The following WDFY2 variants were observed in gnomAD, a reference collection of about 807,000 sequenced individuals.
WDFY2 encodes the protein WD repeat and FYVE domain containing 2.
WDFY2 carries 36 observed loss-of-function variants against 56.4 expected under a neutral mutation model. The ratio of observed to expected loss-of-function variants is 0.64; its 90% confidence interval spans 0.49 to 0.84. WDFY2 has a LOEUF of 0.84. Ranked by LOEUF, WDFY2 falls within the 40% of genes least tolerant of loss-of-function variation. WDFY2 has a pLI of 0.00. For synonymous variants in WDFY2, 176 were observed against 183.7 expected (o/e 0.96, Z 0.34); for missense variants, 444 against 512.2 (o/e 0.87, Z 1.29).
At chr13:51,674,511 C>T (rs1220456431) in intron 2 of WDFY2, among the ~76,000 whole-genome samples, 1 of 152,110 alleles carries the variant, frequency 6.6e-6, no homozygotes, top group Non-Finnish European at 1.5e-5. Context: ...CAGTCCAGGC[C>T]TGGGTGTACT....
At chr13:51,588,143 CTT>C (rs1953979777) in intron 1 of WDFY2, 1 of 152,236 alleles carries the variant, frequency 6.6e-6, no homozygotes, top group Non-Finnish European at 1.5e-5. Flanking sequence ...GCATACCAAA[CTT>C]TGATATTTTG....
intron 7 of WDFY2, among the ~76,000 whole-genome samples, chr13:51,745,668 TCA>T (rs1358334242): frequency 1.3e-5 from 2 of 150,312 alleles, no homozygotes; most frequent in Non-Finnish European, 2.9e-5. Flanking sequence ...CAAATCTTTC[TCA>T]GTTTATCTGA....
intron 6 of WDFY2, among the ~76,000 whole-genome samples, chr13:51,734,480 T>C (rs978135636): frequency 6.6e-6 from 1 of 152,134 alleles, no homozygotes; most frequent in Non-Finnish European, 1.5e-5. Context: ...TTTATGAGAG[T>C]ATATAGTAGT....
intron 4 of WDFY2, among the ~76,000 whole-genome samples, chr13:51,705,114 G>C (rs1253286649): frequency 1.3e-5 from 2 of 152,322 alleles, no homozygotes; most frequent in African/African-American, 4.8e-5. Context: ...AGAAGCCCAC[G>C]TGCTGAGGAA....
At chr13:51,687,045 TTA>T (rs749503242) in intron 3 of WDFY2, among the ~76,000 whole-genome samples, 77 of 148,968 alleles carry the variant, frequency 5.2e-4, no homozygotes, top group Admixed American at 2.1e-3. Flanking sequence ...TCACACTTAT[TTA>T]TATATATATA....
At chr13:51,677,075 T>C (rs1955900645) in intron 3 of WDFY2, among the ~76,000 whole-genome samples, 1 of 152,220 alleles carries the variant, frequency 6.6e-6, no homozygotes, top group Admixed American at 6.5e-5. Flanking sequence ...AAGTAAGTTA[T>C]GGAGAATTCT....
chr13:51,694,717 G>C (rs562135423), intron 3 of WDFY2, among the ~76,000 whole-genome samples: 1 of 152,164 alleles, frequency 6.6e-6, no homozygotes, highest in Non-Finnish European at 1.5e-5. Flanking sequence ...TCCTGAGTCT[G>C]AATGTTGGCC....
chr13:51,690,048 CTT>C (rs1956124788), intron 3 of WDFY2, among the ~76,000 whole-genome samples: 1 of 151,920 alleles, frequency 6.6e-6, no homozygotes, highest in South Asian at 2.1e-4. Context: ...CAGTGCCACT[CTT>C]TTCACTAAAT....
At chr13:51,725,550 C>A (rs560817021) in intron 5 of WDFY2, among the ~76,000 whole-genome samples, 1 of 151,754 alleles carries the variant, frequency 6.6e-6, no homozygotes, top group Non-Finnish European at 1.5e-5. Context: ...TAAAGGCACT[C>A]GAAATTGTTC....
At chr13:51,678,305 A>C (rs1414838936) in intron 3 of WDFY2, among the ~76,000 whole-genome samples, 1 of 152,158 alleles carries the variant, frequency 6.6e-6, no homozygotes, top group Non-Finnish European at 1.5e-5. Flanking sequence ...CCTCTGGTAG[A>C]TCTTATTGTG....
chr13:51,729,533 C>G (rs1952677880), intron 6 of WDFY2, among the ~76,000 whole-genome samples: 1 of 150,792 alleles, frequency 6.6e-6, no homozygotes, highest in African/African-American at 2.4e-5. Flanking sequence ...TCCTCCAGCC[C>G]ATTCTTCTCT....
chr13:51,683,055 A>G (rs779711324), intron 3 of WDFY2, among the ~76,000 whole-genome samples: 6 of 152,174 alleles, frequency 3.9e-5, no homozygotes, highest in Non-Finnish European at 5.9e-5. Context: ...TTTAATCTTC[A>G]TCGTCCTCAA....
intron 4 of WDFY2, among the ~76,000 whole-genome samples, chr13:51,708,628 G>A (rs1952142115): frequency 1.3e-5 from 2 of 151,030 alleles, no homozygotes; most frequent in Admixed American, 6.6e-5. Context: ...AAGAACGGGT[G>A]GAAAAATATA....
At chr13:51,585,534 A>G (rs1209248621) in intron 1 of WDFY2, among the ~76,000 whole-genome samples, 1 of 152,190 alleles carries the variant, frequency 6.6e-6, no homozygotes, top group Non-Finnish European at 1.5e-5. Context: ...CAGAAGTGGA[A>G]CTAGTTGTTC....
chr13:51,639,662 C>T (rs373934849), intron 1 of WDFY2, among the ~76,000 whole-genome samples: 1 of 152,056 alleles, frequency 6.6e-6, no homozygotes, highest in Non-Finnish European at 1.5e-5. Flanking sequence ...CAGTACTTGT[C>T]TCTTTGTCAT....
At chr13:51,658,356 G>A (rs1190643633) in intron 1 of WDFY2, among the ~76,000 whole-genome samples, 2 of 152,106 alleles carry the variant, frequency 1.3e-5, no homozygotes, top group Admixed American at 6.6e-5. Flanking sequence ...CAGCCCTAAG[G>A]GTTTGAAACA....
rs1390630209 is a variant in WDFY2, at chr13:51,767,084, C to T, written c.*7315C>T. On this transcript the variant is annotated 3_prime_UTR_variant, in exon 12 of 12. Transcript: ENST00000298125. The stretch of plus-strand genomic sequence containing the variant: ...CTTTTCCAGTGAGGAGAAATGACTT[C>T]GGGGCAAACACTGCCAGGGAAAGCC... The T allele has an allele frequency of 2.6e-5, 4 of 152,250 alleles. No individual in the cohort carries two copies. Among genetic ancestry groups the T allele is most frequent in the East Asian group, 1.9e-4 (1 of 5,200 alleles). The allele number at this position is 152,250 out of a possible 1,614,324, so 9.4% of individuals were successfully genotyped here. A position where few individuals can be genotyped will look rare whatever the true frequency, so the allele number is the denominator to read the frequency against.
chr13:51,706,934 A>G (rs1400198099), intron 4 of WDFY2, among the ~76,000 whole-genome samples: 1 of 152,242 alleles, frequency 6.6e-6, no homozygotes, highest in Non-Finnish European at 1.5e-5. Flanking sequence ...AAAAGAAGCC[A>G]TAACATAATA....
At chr13:51,724,875 T>C (rs1463052962) in intron 5 of WDFY2, among the ~76,000 whole-genome samples, 1 of 152,210 alleles carries the variant, frequency 6.6e-6, no homozygotes, top group African/African-American at 2.4e-5. Context: ...TCATCCCTTA[T>C]CACTGTGTCT....
Sources: allele counts gnomAD v4.1 joint callset (sites outside exome capture counted in the v4.1 genomes callset), GRCh38; gene constraint gnomAD v4.1.1; transcripts MANE v1.5; gene names NCBI Gene and HGNC (gene_info 2026-07-23, HGNC 2026-07-21).